Variants in KIF20A observed in about 807,000 individuals in gnomAD.
The protein encoded by KIF20A is kinesin family member 20A, also known as kinesin-like protein KIF20A.
Under a neutral mutation model 113.0 loss-of-function variants are expected in KIF20A, and 66 were observed. The observed-to-expected ratio is 0.58, with a 90% CI of 0.48 to 0.72. The LOEUF is 0.72. Among genes scored for constraint, KIF20A ranks in the 30% least tolerant of loss-of-function variants. The pLI, the probability that KIF20A is intolerant of heterozygous loss-of-function variation, is 0.00. For synonymous variants in KIF20A, 376 were observed against 402.3 expected (o/e 0.93, Z 0.78); for missense variants, 927 against 1,077.6 (o/e 0.86, Z 1.96).
At position 138,181,417 on chromosome 5, in the gene KIF20A, C is replaced by T. The variant is rs762779391; in HGVS notation, c.166-5C>T. ...CTGTGGTTCTGGGCTGGGATTCTGC[C>T]ACAGGTTCCATCTGAGGACAGTATG... On this transcript the variant is annotated splice_region_variant and splice_polypyrimidine_tract_variant and intron_variant, in intron 2 of 18. Transcript: ENST00000394894. 6.2e-7 allele frequency: 1 copy of T among 1,613,682 alleles called. No individual in the cohort carries two copies.
chr5:138,182,874 C>T lies in KIF20A; in HGVS notation c.716C>T (p.Thr239Ile), dbSNP rs571617605. The T allele has an allele frequency of 2.5e-6, 4 of 1,614,090 alleles. No individual in the cohort carries two copies. The Admixed American group carries it at 6.7e-5, about 27-fold the overall frequency. Residue 239 changes from threonine (T) to isoleucine (I), a missense_variant, in exon 7 of 19, where the codon ACT becomes ATT. Coordinates refer to ENST00000394894, the MANE Select transcript of KIF20A (RefSeq NM_005733.3). ...NGGLQEEELS[T>I]SLKRSVYIES... ...GTGCCCCTCCAGGAGGAGCTGTCCA[C>T]TTCCTTGAAGAGGAGTGTCTACATC... is the stretch of plus-strand genomic sequence containing the variant.
rs1439170129 is a variant in KIF20A, at chr5:138,186,368, C to T, written c.2292C>T (p.His764=). 1 of 1,608,172 alleles carries T rather than the reference C, an allele frequency of 6.2e-7. No individual in the cohort carries two copies. Residue 764 remains histidine (H), a synonymous_variant, in exon 18 of 19, where the codon CAC becomes CAT. Coordinates refer to ENST00000394894, the MANE Select transcript of KIF20A (RefSeq NM_005733.3). ...AATCAGCAGAGAGAGCTTGTTGCCA[C>T]AGCACTGGGGCAGGAAAACTTCGTC... ...SLQSAERACC[H]STGAGKLRQA...
At position 138,181,717 on chromosome 5, in the gene KIF20A, A is replaced by G; in HGVS notation, c.364A>G (p.Thr122Ala). ...AATTGGCCAAGCCACACACAGGTTC[A>G]CCTTTTCCCAGGTATGGAGGGTACT... ...RGIGQATHRFTFSQIFGPEVG... is the reference protein window; with the variant it reads ...RGIGQATHRFAFSQIFGPEVG... The change falls in exon 4 of 19, where the codon ACC (threonine) becomes GCC (alanine). Residue 122 changes from threonine (T) to alanine (A), a missense_variant. Physicochemically the swap from Thr to Ala is moderately conservative, Grantham distance 58. Transcript: ENST00000394894. The G allele has an allele frequency of 6.2e-7, 1 of 1,613,886 alleles. No individual in the cohort carries two copies. The highest frequency in any genetic ancestry group is 1.3e-5 in the African/African-American group (1 of 75,056).
In KIF20A at chr5:138,182,711, A is replaced by G; in HGVS notation, c.640A>G (p.Ser214Gly). Residue 214 changes from serine (S) to glycine (G), a missense_variant, in exon 6 of 19, where the codon AGC becomes GGC. By Grantham distance (56) the Ser-to-Gly change is moderately conservative. Transcript: ENST00000394894. ...CTCCAATGAGGTAATCTGGCTAGAC[A>G]GCAAGCAGATCCGACAGGAGGAAAT... Reference protein sequence around the residue: ...LLSNEVIWLDSKQIRQEEMKK... With the variant: ...LLSNEVIWLDGKQIRQEEMKK... 1.9e-6 allele frequency: 3 copies of G among 1,614,150 alleles called. No individual in the cohort carries two copies. In the South Asian group the frequency reaches 3.3e-5, roughly 18 times the overall value.
chr5:138,185,461 G>C, intron 15 of KIF20A, 51 bp from the exon 16 acceptor site: 1 of 1,547,288 alleles, frequency 6.5e-7, no homozygotes, highest in Non-Finnish European at 8.9e-7. Context: ...ATCTGTCTTA[G>C]CAATATTTTT....
intron 1 of KIF20A, 65 bp from the exon 2 acceptor site, chr5:138,179,594 TA>T: frequency 7.2e-7 from 1 of 1,389,374 alleles, no homozygotes; most frequent in Non-Finnish European, 1.0e-6. Context: ...ACTTATTACC[TA>T]AAATTCGCGG....
At chr5:138,185,301 A>G (rs1561630522) in intron 15 of KIF20A, 104 bp downstream of exon 15, 4 of 868,672 alleles carry the variant, frequency 4.6e-6, no homozygotes, top group African/African-American at 1.7e-5. Flanking sequence ...GCAGGAATAT[A>G]TAACTCCCTT....
In KIF20A at chr5:138,183,239, C is replaced by A. The variant is rs755308053; in HGVS notation, c.903C>A (p.Ile301=). Reference sequence around the variant, plus strand: ...TCCCGGCAAACATTCGCTTCTCCATCTGGATCTCATTCTTTGAGATCTACA... The same window carrying A: ...TCCCGGCAAACATTCGCTTCTCCATATGGATCTCATTCTTTGAGATCTACA... ...LPVPANIRFS[I]WISFFEIYNE... is the part of the protein sequence containing the mutation. The change falls in exon 8 of 19, where the codon ATC becomes ATA. Residue 301 remains isoleucine (I), a synonymous_variant. Coordinates refer to ENST00000394894, the MANE Select transcript of KIF20A (RefSeq NM_005733.3). This position sits in a 1 kb window ranked among gnomAD's most constrained non-coding sequence, Gnocchi z 5.2. The A allele has an allele frequency of 5.6e-6, 9 of 1,613,830 alleles. No homozygotes were observed. The highest frequency in any genetic ancestry group is 7.6e-6 in the Non-Finnish European group (9 of 1,179,938).
chr5:138,186,962 C>T, intron 18 of KIF20A, 134 bp from the exon 19 acceptor site: 1 of 708,690 alleles, frequency 1.4e-6, no homozygotes, highest in South Asian at 2.0e-5. Context: ...TAAGCTCCGA[C>T]CTTAAAGAGT....
At position 138,183,598 on chromosome 5, in the gene KIF20A, A is replaced by G. The variant is rs767791665; in HGVS notation, c.1139+17A>G. On this transcript the variant is annotated intron_variant, in intron 9 of 18. Transcript: ENST00000394894. This position sits in a 1 kb window ranked among gnomAD's most constrained non-coding sequence, Gnocchi z 5.2. ...CAGCCGCAGGTGAGTAGATTGTAAG[A>G]ATAAACTCTTCACTGTGTTCCAGGA... 1.9e-6 allele frequency: 3 copies of G among 1,611,646 alleles called. No homozygotes were observed. Among genetic ancestry groups the G allele is most frequent in the Non-Finnish European group, 2.5e-6 (3 of 1,177,862 alleles).
Position 138,184,575 on chromosome 5 carries a change from A to G in KIF20A, c.1582A>G (p.Ser528Gly), listed in dbSNP as rs1317137533. The G allele has an allele frequency of 6.2e-7, 1 of 1,614,198 alleles. No individual in the cohort carries two copies. Among genetic ancestry groups the G allele is most frequent in the South Asian group, 1.1e-5 (1 of 91,088 alleles). Residue 528 changes from serine (S) to glycine (G), a missense_variant, in exon 13 of 19, where the codon AGT (serine) becomes GGT (glycine). Physicochemically the swap from Ser to Gly is moderately conservative, Grantham distance 56. Transcript: ENST00000394894. ...PSLHSFIKEHSLQVSPSLEKG... is the reference protein window; with the variant it reads ...PSLHSFIKEHGLQVSPSLEKG... ...CCTGCACTCGTTCATCAAGGAACAT[A>G]GTCTTCAGGTATCCCCCAGCTTAGA...
At position 138,185,504 on chromosome 5, in the gene KIF20A, C is replaced by T. The variant is rs1481256601; in HGVS notation, c.1927-8C>T. 1.2e-6 allele frequency: 2 copies of T among 1,612,664 alleles called. No homozygotes were observed. The highest frequency in any genetic ancestry group is 1.7e-6 in the Non-Finnish European group (2 of 1,179,840). On this transcript the variant is annotated splice_region_variant and splice_polypyrimidine_tract_variant and intron_variant, in intron 15 of 18. Coordinates refer to ENST00000394894, the MANE Select transcript of KIF20A (RefSeq NM_005733.3). ...TGCAAAGAATTGTGCTCTCTGCTTC[C>T]CTCTTAGGAGCGGGATGAAAAGATT...
chr5:138,183,242 G>T lies in KIF20A; in HGVS notation c.906G>T (p.Trp302Cys). The T allele has an allele frequency of 1.2e-6, 2 of 1,613,588 alleles. No homozygotes were observed. The highest frequency in any genetic ancestry group is 1.7e-6 in the Non-Finnish European group (2 of 1,179,874). The change falls in exon 8 of 19, where the codon TGG (tryptophan) becomes TGT (cysteine). Residue 302 changes from tryptophan (W) to cysteine (C), a missense_variant. Transcript: ENST00000394894. This position sits in a 1 kb window ranked among gnomAD's most constrained non-coding sequence, Gnocchi z 5.2. ...CGGCAAACATTCGCTTCTCCATCTG[G>T]ATCTCATTCTTTGAGATCTACAACG... ...PVPANIRFSI[W>C]ISFFEIYNEL...
rs377556004 is a variant in KIF20A, at chr5:138,184,519, A to T, written c.1526A>T (p.His509Leu). Residue 509 changes from histidine to leucine, a missense_variant, in exon 13 of 19, where the codon CAT becomes CTT. His to Leu is a moderately conservative substitution (Grantham distance 99). Coordinates refer to ENST00000394894, the MANE Select transcript of KIF20A (RefSeq NM_005733.3). ...KFSAIASQLVHAPPMQLGFPS... is the reference protein window; with the variant it reads ...KFSAIASQLVLAPPMQLGFPS... ...TATTTTTTTTCCCTCTAGCTTGTGC[A>T]TGCCCCACCTATGCAACTGGGATTC... 1 of 1,613,586 alleles carries T rather than the reference A, an allele frequency of 6.2e-7. No individual in the cohort carries two copies. The highest frequency in any genetic ancestry group is 8.5e-7 in the Non-Finnish European group (1 of 1,179,538).
chr5:138,182,634 T>A lies in KIF20A; in HGVS notation c.563T>A (p.Phe188Tyr). Residue 188 changes from phenylalanine (F) to tyrosine (Y), a missense_variant, in exon 6 of 19, where the codon TTC becomes TAC. Coordinates refer to ENST00000394894, the MANE Select transcript of KIF20A (RefSeq NM_005733.3). ...CTCCCCCGGTCCCTGGCGCTGATCT[T>A]CAATAGCCTCCAAGGCCAACTTCAT... ...GILPRSLALI[F>Y]NSLQGQLHPT... 1 of 1,614,176 alleles carries A rather than the reference T, an allele frequency of 6.2e-7. No homozygotes were observed. Among genetic ancestry groups the A allele is most frequent in the Non-Finnish European group, 8.5e-7 (1 of 1,180,040 alleles).
chr5:138,183,176 T>C lies in KIF20A; in HGVS notation c.840T>C (p.Ser280=). ...CATTGGCTTCTTCTCCAGAAACAAG[T>C]CATCGATGGGCACAGCCAGACACTG... is the stretch of plus-strand genomic sequence containing the variant. ...CTSSSQLDET[S]HRWAQPDTAP... is the part of the protein sequence containing the mutation. Residue 280 remains serine, a synonymous_variant, in exon 8 of 19, where the codon AGT becomes AGC. Transcript: ENST00000394894. This position sits in a 1 kb window ranked among gnomAD's most constrained non-coding sequence, Gnocchi z 5.2. The C allele has an allele frequency of 1.2e-6, 2 of 1,613,958 alleles. No homozygotes were observed. The highest frequency in any genetic ancestry group is 1.7e-6 in the Non-Finnish European group (2 of 1,179,902).
rs777958054 is a variant in KIF20A, at chr5:138,183,180, C to G, written c.844C>G (p.Arg282Gly). 6.2e-7 allele frequency: 1 copy of G among 1,613,892 alleles called. No homozygotes were observed. The highest frequency in any genetic ancestry group is 8.5e-7 in the Non-Finnish European group (1 of 1,179,852). The change falls in exon 8 of 19, where the codon CGA (arginine) becomes GGA (glycine). Residue 282 changes from arginine to glycine, a missense_variant. Physicochemically the swap from Arg to Gly is moderately radical, Grantham distance 125 (BLOSUM62 -2). Transcript: ENST00000394894. The surrounding 1 kb of genome is among the most constrained non-coding windows in gnomAD (Gnocchi z 5.2). ...GGCTTCTTCTCCAGAAACAAGTCAT[C>G]GATGGGCACAGCCAGACACTGCCCC... ...SSSQLDETSHRWAQPDTAPLP... is the reference protein window; with the variant it reads ...SSSQLDETSHGWAQPDTAPLP...
chr5:138,183,546 T>C lies in KIF20A; in HGVS notation c.1104T>C (p.Phe368=). The change falls in exon 9 of 19, where the codon TTT becomes TTC. Residue 368 remains phenylalanine, a synonymous_variant. Coordinates refer to ENST00000394894, the MANE Select transcript of KIF20A (RefSeq NM_005733.3). This position sits in a 1 kb window ranked among gnomAD's most constrained non-coding sequence, Gnocchi z 5.2. ...AAGTGGGTCGTAAGAACCAGAGCTT[T>C]GCCAGCACCCACCTCAACCAGAACT... ...LLKVGRKNQS[F]ASTHLNQNSS... The C allele has an allele frequency of 1.9e-6, 3 of 1,614,136 alleles. No homozygotes were observed. Among genetic ancestry groups the C allele is most frequent in the Non-Finnish European group, 1.7e-6 (2 of 1,180,028 alleles).
intron 6 of KIF20A, 36 bp downstream of exon 6, chr5:138,182,809 G>A: frequency 6.2e-7 from 1 of 1,613,534 alleles, no homozygotes; most frequent in African/African-American, 1.3e-5. Flanking sequence ...GGGGGTAGGG[G>A]GTACAAATCT....
Sources: gnomAD v4.1 joint callset for allele counts on GRCh38, gnomAD v4.1.1 for gene constraint, Gnocchi (gnomAD v3.1) non-coding constraint, MANE v1.5 for transcripts, NCBI Gene and HGNC (gene_info 2026-07-23, HGNC 2026-07-21) for gene names.